Variants in C2CD5 observed in about 807,000 individuals in gnomAD.
C2CD5 encodes the protein C2 calcium dependent domain containing 5, also known as C2 domain-containing protein 5.
In C2CD5, 109 loss-of-function variants were observed where a neutral mutation model predicts 130.3. The ratio of observed to expected loss-of-function variants is 0.84; its 90% confidence interval spans 0.72 to 0.98. The LOEUF (loss-of-function observed/expected upper bound fraction) is 0.98, where lower values mean the gene tolerates loss of function less well. Ranked by LOEUF, C2CD5 falls within the 50% of genes least tolerant of loss-of-function variation. C2CD5 has a pLI of 0.00. For missense variants in C2CD5, 996 were observed against 1,261.8 expected, an observed-to-expected ratio of 0.79 and a Z score of 3.19; for synonymous variants, 454 against 429.2, an observed-to-expected ratio of 1.06 and a Z score of -0.71.
At chr12:22,472,102 T>C (rs1943130112) in intron 18 of C2CD5, 37 bp from the exon 19 acceptor site, 1 of 1,198,684 alleles carries the variant, frequency 8.3e-7, no homozygotes, top group Admixed American at 1.9e-5. Context: ...ATTTTATTAT[T>C]TTTAACTAAA....
chr12:22,515,199 G>C, intron 8 of C2CD5: 1 of 860,162 alleles, frequency 1.2e-6, no homozygotes, highest in Non-Finnish European at 1.4e-6. Context: ...AAGATGATCA[G>C]AAAATGCAGG....
At chr12:22,485,811 A>G (rs1350975880) in intron 12 of C2CD5, among the ~76,000 whole-genome samples, 1 of 152,112 alleles carries the variant, frequency 6.6e-6, no homozygotes, top group African/African-American at 2.4e-5. Context: ...AAGTATTAAA[A>G]TTTATGAAAG....
intron 24 of C2CD5, among the ~76,000 whole-genome samples, chr12:22,457,801 A>G (rs1242915960): frequency 6.6e-6 from 1 of 152,132 alleles, no homozygotes; most frequent in Non-Finnish European, 1.5e-5. Context: ...GGTTATCATC[A>G]TCATCCCCAT....
intron 22 of C2CD5, among the ~76,000 whole-genome samples, chr12:22,461,546 G>A (rs1275863599): frequency 6.6e-6 from 1 of 152,142 alleles, no homozygotes; most frequent in South Asian, 2.1e-4. Flanking sequence ...ACAATGATAT[G>A]TAAAATACTT....
chr12:22,516,049 G>GAA (rs74317886), intron 8 of C2CD5, among the ~76,000 whole-genome samples: 1 of 130,200 alleles, frequency 7.7e-6, no homozygotes, highest in Non-Finnish European at 1.7e-5. Context: ...ACTACAAACA[G>GAA]AAAAAAAAAA....
At chr12:22,519,201 G>C (rs1950045167) in intron 7 of C2CD5, 1 of 1,535,668 alleles carries the variant, frequency 6.5e-7, no homozygotes, top group African/African-American at 1.4e-5. Context: ...GTTGTGAGTC[G>C]AGCGGCATCC....
intron 26 of C2CD5, among the ~76,000 whole-genome samples, chr12:22,450,843 C>T (rs758991781): frequency 1.3e-5 from 2 of 151,866 alleles, no homozygotes; most frequent in Non-Finnish European, 2.9e-5. Flanking sequence ...AAAGAAATTC[C>T]GATCGACCTA....
At position 22,449,862 on chromosome 12, in the gene C2CD5, A is replaced by G. The variant is rs2063573; in HGVS notation, c.3054T>C (p.Asp1018=). ...CAGATTCACGAACAAAAACCACTGC[A>G]TCACCACTTACATTTATAAGACACT... The part of the protein sequence containing the change: ...QAQCLINVSG[D]AVVFVRESDL... Residue 1018 remains aspartate (D), a synonymous_variant, in exon 27 of 27, where the codon GAT becomes GAC. Coordinates refer to ENST00000446597, the MANE Select transcript of C2CD5 (RefSeq NM_001286176.2). 1,386,481 of 1,609,122 alleles carry G rather than the reference A, an allele frequency of 0.86. 613,166 individuals carry two copies. Among genetic ancestry groups the G allele is most frequent in the Non-Finnish European group, 0.91 (1,068,870 of 1,176,274 alleles).
intron 25 of C2CD5, among the ~76,000 whole-genome samples, chr12:22,456,503 T>C (rs1939889899): frequency 6.6e-6 from 1 of 152,182 alleles, no homozygotes; most frequent in Admixed American, 6.5e-5. Flanking sequence ...ACTGAAGAAA[T>C]GTCATCCTCA....
Position 22,478,027 on chromosome 12 carries a change from ACT to A in C2CD5, c.1902+284_1902+285del, listed in dbSNP as rs1318599746. 393 of 341,966 alleles carry A rather than the reference ACT, an allele frequency of 1.1e-3. 1 individual carries two copies. Among genetic ancestry groups the A allele is most frequent in the African/African-American group, 4.7e-3 (197 of 42,096 alleles). 21.2% of individuals were successfully genotyped at this position (341,966 alleles called of 1,614,324 possible). The stretch of plus-strand genomic sequence containing the variant: ...CACACACACTCACACACACACACAC[ACT>A]CACACACACACACACTCACAAAGAT... On this transcript the variant is annotated intron_variant, in intron 15 of 26. Coordinates refer to ENST00000446597, the MANE Select transcript of C2CD5 (RefSeq NM_001286176.2).
intron 9 of C2CD5, chr12:22,512,642 C>T (rs1949308921): frequency 3.4e-6 from 5 of 1,482,658 alleles, no homozygotes; most frequent in Middle Eastern, 1.7e-4. Context: ...TTTTCAGAAA[C>T]ATACCCGCCT....
intron 22 of C2CD5, among the ~76,000 whole-genome samples, chr12:22,465,814 A>C (rs1309978752): frequency 1.3e-5 from 2 of 152,136 alleles, no homozygotes; most frequent in African/African-American, 4.8e-5. Context: ...CTCTTGAATA[A>C]ACATAAATAA....
At chr12:22,467,251 C>T (rs1187053002) in intron 22 of C2CD5, among the ~76,000 whole-genome samples, 1 of 152,072 alleles carries the variant, frequency 6.6e-6, no homozygotes, top group Admixed American at 6.6e-5. Context: ...CTTACTGTAG[C>T]CTCAACCTCC....
chr12:22,471,965 A>G lies in C2CD5; in HGVS notation c.2268+2T>C. On this transcript the variant is annotated splice_donor_variant, in intron 19 of 26. Coordinates refer to ENST00000446597, the MANE Select transcript of C2CD5 (RefSeq NM_001286176.2). LOFTEE classifies it high-confidence loss of function. ...AATAAAATTTAGTCAGAAGGTTCCT[A>G]CCTTGAGCAAATTTTCACAGAGATC... 1 of 1,559,242 alleles carries G rather than the reference A, an allele frequency of 6.4e-7. No individual in the cohort carries two copies. Among genetic ancestry groups the G allele is most frequent in the Non-Finnish European group, 8.8e-7 (1 of 1,130,742 alleles).
Position 22,527,706 on chromosome 12 carries a change from C to A in C2CD5, c.349+15G>T, listed in dbSNP as rs774280285. ...TTAAGATTGTTATTTATAATACTTTCTTATTATTCCTTACCATGTATGGTG... is the reference window on the plus strand; with the variant it reads ...TTAAGATTGTTATTTATAATACTTTATTATTATTCCTTACCATGTATGGTG... On this transcript the variant is annotated intron_variant, in intron 4 of 26. Coordinates refer to ENST00000446597, the MANE Select transcript of C2CD5 (RefSeq NM_001286176.2). 3.5e-5 allele frequency: 47 copies of A among 1,357,086 alleles called. No homozygotes were observed. The highest frequency in any genetic ancestry group is 1.9e-4 in the South Asian group (14 of 73,984). 84.1% of individuals were successfully genotyped at this position (1,357,086 alleles called of 1,614,324 possible).
chr12:22,508,183 T>A (rs991838468), intron 9 of C2CD5, among the ~76,000 whole-genome samples: 3 of 152,114 alleles, frequency 2.0e-5, no homozygotes, highest in Admixed American at 2.0e-4. Context: ...CCATGAAGGT[T>A]GAGTATAAAA....
chr12:22,503,151 A>C (rs7134347), intron 10 of C2CD5, among the ~76,000 whole-genome samples: 1 of 152,226 alleles, frequency 6.6e-6, no homozygotes, highest in Non-Finnish European at 1.5e-5. Context: ...TGGTTTTAAA[A>C]TAAGATTTTT....
intron 15 of C2CD5, among the ~76,000 whole-genome samples, chr12:22,476,183 T>C (rs954266734): frequency 2.6e-5 from 4 of 152,164 alleles, no homozygotes; most frequent in African/African-American, 9.6e-5. Context: ...CATTTTTTAA[T>C]GTATTGACAA....
chr12:22,511,747 T>G (rs1949221411), intron 9 of C2CD5, among the ~76,000 whole-genome samples: 1 of 152,218 alleles, frequency 6.6e-6, no homozygotes, highest in South Asian at 2.1e-4. Context: ...TAAAGATTCT[T>G]GGTACAGACA....
Sources: allele counts gnomAD v4.1 joint callset (sites outside exome capture counted in the v4.1 genomes callset), GRCh38; gene constraint gnomAD v4.1.1; transcripts MANE v1.5; gene names NCBI Gene and HGNC (gene_info 2026-07-23, HGNC 2026-07-21).